Variants in PALS1 observed in about 807,000 individuals in gnomAD.
The protein encoded by PALS1 is protein associated with LIN7 1, MAGUK p55 family member.
PALS1 carries 31 observed loss-of-function variants against 78.9 expected under a neutral mutation model. That is an observed-to-expected ratio of 0.39 (90% CI 0.30 to 0.53). PALS1 has a LOEUF of 0.53. Ranked by LOEUF, PALS1 falls within the 20% of genes least tolerant of loss-of-function variation. The pLI, the probability that PALS1 is intolerant of heterozygous loss-of-function variation, is 0.67. For missense variants in PALS1, 704 were observed against 826.5 expected (o/e 0.85, Z 1.82); for synonymous variants, 276 against 270.9 (o/e 1.02, Z -0.18).
At chr14:67,314,514 G>T (rs73282775) in intron 9 of PALS1, among the ~76,000 whole-genome samples, 23,887 of 152,090 alleles carry the variant, frequency 0.16, 3,569 homozygotes, top group East Asian at 0.42. Context: ...GCTAAAACCC[G>T]TGATTCTTCA....
chr14:67,247,191 T>C (rs1036693130), intron 1 of PALS1, among the ~76,000 whole-genome samples: 8 of 152,242 alleles, frequency 5.3e-5, no homozygotes, highest in Non-Finnish European at 7.3e-5. Context: ...GCTATTTCTT[T>C]CCATTTATGT....
intron 14 of PALS1, among the ~76,000 whole-genome samples, chr14:67,331,677 G>C (rs8020720): frequency 0.16 from 23,563 of 151,960 alleles, 3,455 homozygotes; most frequent in East Asian, 0.42. Context: ...AGCCATTTTG[G>C]CACAAAATGG....
intron 4 of PALS1, 123 bp from the exon 5 acceptor site, chr14:67,301,266 G>T: frequency 2.0e-6 from 1 of 494,230 alleles, no homozygotes; most frequent in Non-Finnish European, 3.6e-6. Context: ...TCTTTTTAGT[G>T]ATTTTATTTC....
intron 4 of PALS1, among the ~76,000 whole-genome samples, chr14:67,297,702 G>A (rs189828807): frequency 2.2e-3 from 283 of 128,614 alleles, no homozygotes; most frequent in Non-Finnish European, 3.1e-3. Context: ...AAATTAATAG[G>A]ACATAGTGTC....
intron 1 of PALS1, among the ~76,000 whole-genome samples, chr14:67,251,725 C>G (rs2084066262): frequency 6.6e-6 from 1 of 152,126 alleles, no homozygotes; most frequent in Non-Finnish European, 1.5e-5. Context: ...TTCTAAATCC[C>G]TTGGAATTTT....
chr14:67,282,239 T>G (rs1286594892), intron 3 of PALS1, among the ~76,000 whole-genome samples: 2 of 152,134 alleles, frequency 1.3e-5, no homozygotes, highest in Non-Finnish European at 2.9e-5. Context: ...CACATCAAAC[T>G]GTAAGAGAAG....
At chr14:67,323,053 A>G (rs931886126) in intron 13 of PALS1, among the ~76,000 whole-genome samples, 1 of 152,136 alleles carries the variant, frequency 6.6e-6, no homozygotes, top group African/African-American at 2.4e-5. Flanking sequence ...TTGATTTTTA[A>G]TATGGTTATT....
chr14:67,245,347 G>A (rs1274318), intron 1 of PALS1, among the ~76,000 whole-genome samples: 152,269 of 152,278 alleles, frequency 1, 76,130 homozygotes, highest in Non-Finnish European at 1. Context: ...AGCCATTTTA[G>A]TAGTATCTCG....
chr14:67,307,353 A>G (rs1378645143), intron 8 of PALS1, among the ~76,000 whole-genome samples: 1 of 152,188 alleles, frequency 6.6e-6, no homozygotes, highest in Non-Finnish European at 1.5e-5. Context: ...TCTGAATGGG[A>G]CTTTTTCATT....
At chr14:67,255,475 A>G (rs933633911) in intron 1 of PALS1, among the ~76,000 whole-genome samples, 5 of 152,188 alleles carry the variant, frequency 3.3e-5, no homozygotes, top group Non-Finnish European at 7.3e-5. Context: ...AAAATTAAAA[A>G]TGTAATATAT....
chr14:67,267,163 A>G (rs538499436), intron 1 of PALS1, among the ~76,000 whole-genome samples: 28 of 152,300 alleles, frequency 1.8e-4, no homozygotes, highest in African/African-American at 6.5e-4. Flanking sequence ...TATAATTTAC[A>G]TGCAACAAGA....
chr14:67,262,185 G>A (rs1238051044), intron 1 of PALS1, among the ~76,000 whole-genome samples: 1 of 151,998 alleles, frequency 6.6e-6, no homozygotes, highest in Non-Finnish European at 1.5e-5. Context: ...GGAATCAGCT[G>A]TAAAAATAAA....
At position 67,333,040 on chromosome 14, in the gene PALS1, G is replaced by A; in HGVS notation, c.*84G>A. ...GACTGCCCGACACTGCAGCAAGATT[G>A]AGGATAAGATGGAAGGCAGCAGTAT... On this transcript the variant is annotated 3_prime_UTR_variant, in exon 15 of 15. Coordinates refer to ENST00000261681, the MANE Select transcript of PALS1 (RefSeq NM_022474.4). 9 of 1,243,616 alleles carry A rather than the reference G, an allele frequency of 7.2e-6. No homozygotes were observed. Among genetic ancestry groups the A allele is most frequent in the Middle Eastern group, 1.9e-4 (1 of 5,134 alleles). The allele number at this position is 1,243,616 out of a possible 1,614,324, so 77.0% of individuals were successfully genotyped here. A position where few individuals can be genotyped will look rare whatever the true frequency, so the allele number is the denominator to read the frequency against.
At chr14:67,244,023 C>T (rs1159658688) in intron 1 of PALS1, among the ~76,000 whole-genome samples, 1 of 152,214 alleles carries the variant, frequency 6.6e-6, no homozygotes. Context: ...ATTCAGTGCT[C>T]TTCTCAGGAT....
At chr14:67,275,016 T>G (rs1185017874) in intron 2 of PALS1, among the ~76,000 whole-genome samples, 1 of 152,246 alleles carries the variant, frequency 6.6e-6, no homozygotes, top group African/African-American at 2.4e-5. Context: ...CTTGAGATTT[T>G]GGGCTGAGAC....
At position 67,265,542 on chromosome 14, in the gene PALS1, G is replaced by A. The variant is rs113184989; in HGVS notation, c.-236-4159G>A. Among the ~76,000 whole-genome samples, 235 of 152,096 alleles carry A rather than the reference G, an allele frequency of 1.5e-3. 1 individual carries two copies. Among genetic ancestry groups the A allele is most frequent in the African/African-American group, 5.6e-3 (231 of 41,492 alleles). ...TGCACTCCAGCCTGGGCAACAGAGC[G>A]AGACCCTATCTCTATTTAAAAGAAA... On this transcript the variant is annotated intron_variant, in intron 1 of 14. Transcript: ENST00000261681.
chr14:67,261,210 A>G (rs565743172), intron 1 of PALS1, among the ~76,000 whole-genome samples: 1 of 152,198 alleles, frequency 6.6e-6, no homozygotes, highest in African/African-American at 2.4e-5. Context: ...TTGTGGTGGT[A>G]GGAGTGCTTC....
chr14:67,258,900 G>A (rs1404789670), intron 1 of PALS1, among the ~76,000 whole-genome samples: 4 of 152,034 alleles, frequency 2.6e-5, no homozygotes, highest in Non-Finnish European at 5.9e-5. Context: ...AGAGTGCAGT[G>A]GTGTGATCTC....
chr14:67,242,927 C>G (rs2140389815), intron 1 of PALS1, among the ~76,000 whole-genome samples: 1 of 152,070 alleles, frequency 6.6e-6, no homozygotes, highest in South Asian at 2.1e-4. Context: ...TGAGGGTGAC[C>G]CAAGTCAGTA....
Sources: gnomAD v4.1 joint callset for allele counts (sites outside exome capture counted in the v4.1 genomes callset) on GRCh38, gnomAD v4.1.1 for gene constraint, MANE v1.5 for transcripts, NCBI Gene and HGNC (gene_info 2026-07-23, HGNC 2026-07-21) for gene names.